The following TMEM132D variants were observed in gnomAD, a reference collection of about 807,000 sequenced individuals.
The protein encoded by TMEM132D is mature OL transmembrane protein.
A neutral mutation model predicts 62.3 loss-of-function variants in TMEM132D; 21 were observed. The observed-to-expected ratio is 0.34, with a 90% CI of 0.24 to 0.49. The LOEUF (loss-of-function observed/expected upper bound fraction) is 0.49. Among genes scored for constraint, TMEM132D ranks in the 20% least tolerant of loss-of-function variants. TMEM132D has a pLI of 0.99. For synonymous variants in TMEM132D, 621 were observed against 575.6 expected, an observed-to-expected ratio of 1.08 and a Z score of -1.13; for missense variants, 1,346 against 1,402.8, an observed-to-expected ratio of 0.96 and a Z score of 0.65.
intron 3 of TMEM132D, among the ~76,000 whole-genome samples, chr12:129,528,824 G>C (rs7311429): frequency 0.67 from 101,740 of 152,126 alleles, 34,521 homozygotes; most frequent in African/African-American, 0.78. Flanking sequence ...ACTGGAAAAA[G>C]ACCTGCTCCC....
chr12:129,868,149 A>G (rs1874119696), intron 1 of TMEM132D, among the ~76,000 whole-genome samples: 1 of 152,040 alleles, frequency 6.6e-6, no homozygotes, highest in Non-Finnish European at 1.5e-5. Context: ...TCTATGGTAC[A>G]TACATGAGGC....
intron 1 of TMEM132D, among the ~76,000 whole-genome samples, chr12:129,898,830 T>C (rs753995090): frequency 1.3e-5 from 2 of 152,194 alleles, no homozygotes; most frequent in African/African-American, 2.4e-5. Flanking sequence ...GGGTGCATTG[T>C]TGGTGCTCAG....
intron 4 of TMEM132D, among the ~76,000 whole-genome samples, chr12:129,243,177 G>C (rs1219139037): frequency 1.3e-5 from 2 of 152,202 alleles, no homozygotes; most frequent in Non-Finnish European, 2.9e-5. Context: ...AAATAAATGA[G>C]CTATAGTACC....
At chr12:129,862,373 G>C (rs1193742822) in intron 1 of TMEM132D, among the ~76,000 whole-genome samples, 1 of 152,228 alleles carries the variant, frequency 6.6e-6, no homozygotes, top group East Asian at 1.9e-4. Context: ...AGCAGACCCA[G>C]CCTTCAGGAG....
intron 2 of TMEM132D, among the ~76,000 whole-genome samples, chr12:129,623,690 T>C (rs1175822089): frequency 7.3e-6 from 1 of 137,580 alleles, no homozygotes; most frequent in South Asian, 2.3e-4. Context: ...TATATACATA[T>C]ATACATATAT....
intron 4 of TMEM132D, among the ~76,000 whole-genome samples, chr12:129,225,734 T>C (rs1879465256): frequency 6.6e-6 from 1 of 152,156 alleles, no homozygotes; most frequent in Non-Finnish European, 1.5e-5. Flanking sequence ...TTCAATTACG[T>C]TCCTGGCAAA....
intron 1 of TMEM132D, among the ~76,000 whole-genome samples, chr12:129,781,520 G>T (rs888824468): frequency 4.6e-5 from 7 of 152,108 alleles, no homozygotes; most frequent in Admixed American, 1.3e-4. Context: ...TAAGACACAG[G>T]TTTACTGTTC....
intron 4 of TMEM132D, among the ~76,000 whole-genome samples, chr12:129,326,012 A>G (rs1262983954): frequency 6.6e-6 from 1 of 152,164 alleles, no homozygotes; most frequent in African/African-American, 2.4e-5. Flanking sequence ...CTCTGAAAGG[A>G]TGGAAGGCTA....
chr12:129,196,983 G>A lies in TMEM132D; in HGVS notation c.1443+12537C>T, dbSNP rs569675005. The stretch of plus-strand genomic sequence containing the variant: ...TAAATAATCATGTAAGTCACCACCC[G>A]TGAAGAAAAGGCCCAGTAGAGTCCA... On this transcript the variant is annotated intron_variant, in intron 5 of 8. Coordinates refer to ENST00000422113, the MANE Select transcript of TMEM132D (RefSeq NM_133448.3). 3.5e-4 allele frequency among the ~76,000 whole-genome samples: 53 copies of A among 152,202 alleles called. No homozygotes were observed. The South Asian group carries it at 4.2e-3, about 12-fold the overall frequency.
chr12:129,391,480 G>C (rs1390554541), intron 3 of TMEM132D, among the ~76,000 whole-genome samples: 1 of 152,188 alleles, frequency 6.6e-6, no homozygotes, highest in East Asian at 1.9e-4. Flanking sequence ...CCAGAGCAAT[G>C]AGAGACAGAG....
intron 1 of TMEM132D, among the ~76,000 whole-genome samples, chr12:129,895,782 A>C (rs1875089964): frequency 6.6e-6 from 1 of 151,784 alleles, no homozygotes; most frequent in Admixed American, 6.6e-5. Context: ...ACCAGCATCT[A>C]AGCTGCCCTC....
intron 3 of TMEM132D, among the ~76,000 whole-genome samples, chr12:129,487,894 G>A (rs181496791): frequency 3.9e-4 from 52 of 132,758 alleles, no homozygotes; most frequent in African/African-American, 1.3e-3. Flanking sequence ...CAGAGATTGC[G>A]CCACTGTACT....
intron 3 of TMEM132D, among the ~76,000 whole-genome samples, chr12:129,446,629 AGCAG>A: frequency 1.3e-5 from 2 of 152,314 alleles, no homozygotes; most frequent in South Asian, 4.1e-4. Context: ...CTACCTCCTG[AGCAG>A]AGATGAATGA....
chr12:129,900,242 A>G (rs537530340), intron 1 of TMEM132D, among the ~76,000 whole-genome samples: 19 of 152,350 alleles, frequency 1.2e-4, no homozygotes, highest in African/African-American at 4.3e-4. Flanking sequence ...ACACAGACAC[A>G]CCACACACAG....
chr12:129,825,847 T>G (rs1872648989), intron 1 of TMEM132D, among the ~76,000 whole-genome samples: 1 of 152,114 alleles, frequency 6.6e-6, no homozygotes, highest in Admixed American at 6.5e-5. Flanking sequence ...GAGGATCACT[T>G]GAGCCCAGGA....
intron 4 of TMEM132D, chr12:129,210,857 C>T (rs961793191): frequency 6.6e-6 from 1 of 152,262 alleles, no homozygotes; most frequent in African/African-American, 2.4e-5. Context: ...TTCAGGCACA[C>T]CTATGCCTCG....
At chr12:129,228,456 T>C (rs1448603224) in intron 4 of TMEM132D, among the ~76,000 whole-genome samples, 1 of 152,148 alleles carries the variant, frequency 6.6e-6, no homozygotes, top group African/African-American at 2.4e-5. Flanking sequence ...CCACAGTCAA[T>C]TTTTGAACAT....
Position 129,284,878 on chromosome 12 carries a change from G to A in TMEM132D, c.1299+52756C>T, listed in dbSNP as rs573099661. On this transcript the variant is annotated intron_variant, in intron 4 of 8. Transcript: ENST00000422113. ...AATATCTGGAATAAATAAATCCATA[G>A]AGACTGAAGGCAGATTGGTGGTGCC... Among the ~76,000 whole-genome samples the A allele has an allele frequency of 1.8e-4, 28 of 152,316 alleles. 1 individual carries two copies. The South Asian group carries it at 5.8e-3, about 32-fold the overall frequency.
chr12:129,531,798 T>A (rs774844575), intron 2 of TMEM132D, among the ~76,000 whole-genome samples: 4 of 152,242 alleles, frequency 2.6e-5, no homozygotes, highest in Admixed American at 6.5e-5. Context: ...TTGCTTTTTA[T>A]AATCTTGTCT....
Sources: gnomAD v4.1 joint callset for allele counts (sites outside exome capture counted in the v4.1 genomes callset) on GRCh38, gnomAD v4.1.1 for gene constraint, MANE v1.5 for transcripts, NCBI Gene and HGNC (gene_info 2026-07-23, HGNC 2026-07-21) for gene names.